ACSL1: variants seen among roughly 807,000 people sequenced by gnomAD.
ACSL1 encodes long-chain-fatty-acid--CoA ligase 1.
In ACSL1, 41 loss-of-function variants were observed where a neutral mutation model predicts 98.4. The observed-to-expected ratio is 0.42, with a 90% CI of 0.32 to 0.54. ACSL1 has a LOEUF of 0.54. Among genes scored for constraint, ACSL1 ranks in the 20% least tolerant of loss-of-function variants. ACSL1 has a pLI of 0.13. For missense variants in ACSL1, 734 were observed against 883.1 expected (o/e 0.83, Z 2.14); for synonymous variants, 316 against 322.7 (o/e 0.98, Z 0.22).
At chr4:184,808,562 A>C in intron 1 of ACSL1, 1 of 946,482 alleles carries the variant, frequency 1.1e-6, no homozygotes, top group Non-Finnish European at 1.3e-6. Flanking sequence ...CTCCCCTTGT[A>C]CAATAGGCTA....
rs1379996310 is a variant in ACSL1 at position 184,766,662 on chromosome 4, T to G, written c.1223A>C (p.Asn408Thr). ...EAELRSGIIRNNSLWDRLIFH... is the reference protein window; with the variant it reads ...EAELRSGIIRTNSLWDRLIFH... ...GATCAGCCGGTCCCACAGGCTGTTG[T>G]TTCTGATGATGCCGCTGCGAAGCTC... Residue 408 changes from asparagine (N) to threonine (T), a missense_variant, in exon 13 of 21, where the codon AAC becomes ACC. Asn to Thr is a moderately conservative substitution (Grantham distance 65). Coordinates refer to ENST00000281455, the MANE Select transcript of ACSL1 (RefSeq NM_001995.5). The surrounding 1 kb of genome is among the most constrained non-coding windows in gnomAD (Gnocchi z 4.8). 6.2e-7 allele frequency: 1 copy of G among 1,614,190 alleles called. No homozygotes were observed. Among genetic ancestry groups the G allele is most frequent in the Admixed American group, 1.7e-5 (1 of 60,024 alleles).
intron 1 of ACSL1, chr4:184,808,242 C>T: frequency 1.5e-5 from 6 of 410,318 alleles, no homozygotes; most frequent in African/African-American, 2.1e-5. Context: ...CACAAACATA[C>T]ACACACACAC....
chr4:184,770,024 G>A (rs535363539), intron 11 of ACSL1, among the ~76,000 whole-genome samples: 1 of 152,272 alleles, frequency 6.6e-6, no homozygotes, highest in Non-Finnish European at 1.5e-5. Flanking sequence ...GGGCTTTGTA[G>A]AACTGAATTA....
intron 1 of ACSL1, among the ~76,000 whole-genome samples, chr4:184,810,489 T>C (rs1287581317): frequency 6.6e-6 from 1 of 152,092 alleles, no homozygotes; most frequent in Non-Finnish European, 1.5e-5. Context: ...CACAAAATAG[T>C]GGATAACAGA....
chr4:184,768,142 G>A, intron 12 of ACSL1, 174 bp downstream of exon 12: 1 of 618,182 alleles, frequency 1.6e-6, no homozygotes. Flanking sequence ...ATCCTTATCA[G>A]CCACTCTGAG....
At chr4:184,822,477 C>T (rs1773135004) in intron 1 of ACSL1, among the ~76,000 whole-genome samples, 1 of 152,184 alleles carries the variant, frequency 6.6e-6, no homozygotes, top group Non-Finnish European at 1.5e-5. Context: ...GTGGCTCACG[C>T]CTGTAATCCT....
chr4:184,784,727 G>A (rs1215174919), intron 3 of ACSL1, among the ~76,000 whole-genome samples: 1 of 152,194 alleles, frequency 6.6e-6, no homozygotes, highest in Non-Finnish European at 1.5e-5. Flanking sequence ...TAGGATGGAA[G>A]GCAGGGCTGG....
At position 184,803,368 on chromosome 4, in the gene ACSL1, T is replaced by A. The variant is rs1336248699; in HGVS notation, c.147A>T (p.Lys49Asn). Residue 49 changes from lysine (K) to asparagine (N), a missense_variant, in exon 2 of 21, where the codon AAA becomes AAT. Coordinates refer to ENST00000281455, the MANE Select transcript of ACSL1 (RefSeq NM_001995.5). This position sits in a 1 kb window ranked among gnomAD's most constrained non-coding sequence, Gnocchi z 4.8. ...AGAGGTCGCATGGCGGCTTCAGGGG[T>A]TTGGGTCTCGTGGCGTACCAGAAGG... ...LTTFWYATRPKPLKPPCDLSM... is the reference protein window; with the variant it reads ...LTTFWYATRPNPLKPPCDLSM... 1 of 1,612,340 alleles carries A rather than the reference T, an allele frequency of 6.2e-7. No individual in the cohort carries two copies. Among genetic ancestry groups the A allele is most frequent in the Non-Finnish European group, 8.5e-7 (1 of 1,179,206 alleles).
chr4:184,810,694 A>C (rs1223083001), intron 1 of ACSL1, among the ~76,000 whole-genome samples: 1 of 152,104 alleles, frequency 6.6e-6, no homozygotes, highest in African/African-American at 2.4e-5. Flanking sequence ...TTCGCACATT[A>C]ATCTGGAACA....
intron 11 of ACSL1, 36 bp downstream of exon 11, chr4:184,770,363 C>T (rs188999890): frequency 2.6e-4 from 415 of 1,608,980 alleles, no homozygotes; most frequent in Non-Finnish European, 2.9e-4. Context: ...GCAGAACATA[C>T]ACAAACAAGC....
At chr4:184,777,143 G>C (rs1009260921) in intron 5 of ACSL1, among the ~76,000 whole-genome samples, 160 bp from the exon 6 acceptor site, 1 of 152,196 alleles carries the variant, frequency 6.6e-6, no homozygotes, top group Non-Finnish European at 1.5e-5. Context: ...AAGGGATTCA[G>C]AATGAGAACA....
rs147662951 is a variant in ACSL1, at chr4:184,757,226, C to T, written c.1996G>A (p.Asp666Asn). ...ITLHPELFSI[D>N]NGLLTPTMKA... is the part of the protein sequence containing the mutation. ...ATTGTTGGAGTCAGAAGGCCATTGTCGATAGAAAATAATTCAGGGTGCAAT... is the reference window on the plus strand; with the variant it reads ...ATTGTTGGAGTCAGAAGGCCATTGTTGATAGAAAATAATTCAGGGTGCAAT... Residue 666 changes from aspartate (D) to asparagine (N), a missense_variant, in exon 21 of 21, where the codon GAC becomes AAC. Transcript: ENST00000281455. The surrounding 1 kb of genome is among the most constrained non-coding windows in gnomAD (Gnocchi z 4.5). 2.5e-4 allele frequency: 400 copies of T among 1,607,670 alleles called. 3 individuals are homozygous for T. The African/African-American group carries it at 3.3e-3, about 13-fold the overall frequency.
Position 184,776,616 on chromosome 4 carries a change from G to T in ACSL1, c.624C>A (p.Leu208=), listed in dbSNP as rs372828590. The T allele has an allele frequency of 5.6e-6, 9 of 1,613,582 alleles. No individual in the cohort carries two copies. The highest frequency in any genetic ancestry group is 5.9e-6 in the Non-Finnish European group (7 of 1,180,040). Residue 208 remains leucine, a synonymous_variant, in exon 7 of 21, where the codon CTC becomes CTA. Coordinates refer to ENST00000281455, the MANE Select transcript of ACSL1 (RefSeq NM_001995.5). ...ACTTATTTTCTACACCCTCTAATAA[G>T]AGTTTGGCCTTCTCTGGCTTGTCAA... The part of the protein sequence containing the change: ...VFVDKPEKAK[L]LLEGVENKLI...
chr4:184,800,378 G>A (rs180790935), intron 2 of ACSL1, among the ~76,000 whole-genome samples: 197 of 152,262 alleles, frequency 1.3e-3, no homozygotes, highest in Non-Finnish European at 2.5e-3. Context: ...GCAACCACGT[G>A]TGTCTGGGCT....
At position 184,773,579 on chromosome 4, in the gene ACSL1, A is replaced by C. The variant is rs1764822523; in HGVS notation, c.841+84T>G. 7.6e-7 allele frequency: 1 copy of C among 1,311,026 alleles called. No individual in the cohort carries two copies. Among genetic ancestry groups the C allele is most frequent in the Admixed American group, 2.5e-5 (1 of 40,450 alleles). The allele number at this position is 1,311,026 out of a possible 1,614,324, so 81.2% of individuals were successfully genotyped here. ...TTCTGCTTTTGGTCCGTCTACTGTTAGCTGATAAGTCATCCAAAAGAGGTA... is the reference window on the plus strand; with the variant it reads ...TTCTGCTTTTGGTCCGTCTACTGTTCGCTGATAAGTCATCCAAAAGAGGTA... On this transcript the variant is annotated intron_variant, in intron 9 of 20. Transcript: ENST00000281455. This position sits in a 1 kb window ranked among gnomAD's most constrained non-coding sequence, Gnocchi z 4.3.
At position 184,757,567 on chromosome 4, in the gene ACSL1, T is replaced by C; in HGVS notation, c.1956+68A>G. On this transcript the variant is annotated intron_variant, in intron 20 of 20. Coordinates refer to ENST00000281455, the MANE Select transcript of ACSL1 (RefSeq NM_001995.5). This position sits in a 1 kb window ranked among gnomAD's most constrained non-coding sequence, Gnocchi z 4.5. The stretch of plus-strand genomic sequence containing the variant: ...GGTCACCCCATATGTTTATATAATC[T>C]ACCTGTAAAAAAATCTTAATGGAAA... 1 of 1,433,858 alleles carries C rather than the reference T, an allele frequency of 7.0e-7. No homozygotes were observed. The highest frequency in any genetic ancestry group is 9.7e-7 in the Non-Finnish European group (1 of 1,034,440). The allele number at this position is 1,433,858 out of a possible 1,614,324, so 88.8% of individuals were successfully genotyped here.
At chr4:184,805,371 A>G (rs1771255310) in intron 1 of ACSL1, 3 of 617,442 alleles carry the variant, frequency 4.9e-6, no homozygotes, top group Non-Finnish European at 6.1e-6. Context: ...CTCTGCTACA[A>G]TGAATCCATG....
intron 5 of ACSL1, 57 bp downstream of exon 5, chr4:184,780,275 G>C (rs922247680): frequency 4.9e-6 from 7 of 1,414,798 alleles, no homozygotes; most frequent in Non-Finnish European, 6.9e-6. Flanking sequence ...CAGAAGTTAG[G>C]CTCTTATATC....
chr4:184,811,370 C>A lies in ACSL1; in HGVS notation c.-32-7824G>T, dbSNP rs183782117. On this transcript the variant is annotated intron_variant, in intron 1 of 20. Coordinates refer to ENST00000281455, the MANE Select transcript of ACSL1 (RefSeq NM_001995.5). ...TTTGTGATCTGCCCGCCTTGGCCTCCCAAAGTGCTGGGATTACAGGTGTGA... is the reference window on the plus strand; with the variant it reads ...TTTGTGATCTGCCCGCCTTGGCCTCACAAAGTGCTGGGATTACAGGTGTGA... Among the ~76,000 whole-genome samples the A allele has an allele frequency of 1.1e-4, 17 of 152,172 alleles. No individual in the cohort carries two copies. In the East Asian group the frequency reaches 2.3e-3, roughly 21 times the overall value.
Sources: gnomAD v4.1 joint callset for allele counts (sites outside exome capture counted in the v4.1 genomes callset) on GRCh38, gnomAD v4.1.1 for gene constraint, Gnocchi (gnomAD v3.1) non-coding constraint, MANE v1.5 for transcripts, NCBI Gene and HGNC (gene_info 2026-07-23, HGNC 2026-07-21) for gene names.